Variants in GLRA1 observed in about 807,000 individuals in gnomAD.
GLRA1 encodes glycine receptor subunit alpha-1.
GLRA1 carries 37 observed loss-of-function variants against 48.3 expected under a neutral mutation model. The observed-to-expected ratio is 0.77, with a 90% CI of 0.59 to 1.01. GLRA1 has a LOEUF of 1.01. GLRA1 is among the 50% of genes least tolerant of loss of function. GLRA1 has a pLI of 0.00. For missense variants in GLRA1, 427 were observed against 571.0 expected (o/e 0.75, Z 2.57); for synonymous variants, 196 against 210.7 (o/e 0.93, Z 0.60).
intron 3 of GLRA1, among the ~76,000 whole-genome samples, chr5:151,875,307 G>A (rs13358809): frequency 0.02 from 3,067 of 152,150 alleles, 99 homozygotes; most frequent in African/African-American, 0.071. Context: ...TGAATAGCTG[G>A]GCCTACAGGT....
intron 2 of GLRA1, among the ~76,000 whole-genome samples, chr5:151,889,767 G>A (rs143539932): frequency 1.3e-5 from 2 of 152,126 alleles, no homozygotes; most frequent in African/African-American, 4.8e-5. Context: ...GATTTGTGTC[G>A]GTGGAAGCAG....
chr5:151,837,953 T>A (rs1763618254), intron 7 of GLRA1, among the ~76,000 whole-genome samples: 1 of 152,062 alleles, frequency 6.6e-6, no homozygotes, highest in African/African-American at 2.4e-5. Flanking sequence ...AGAACTTAAA[T>A]AAAATGTCCA....
intron 1 of GLRA1, among the ~76,000 whole-genome samples, chr5:151,902,093 A>T (rs1179786495): frequency 6.6e-6 from 1 of 152,198 alleles, no homozygotes; most frequent in Non-Finnish European, 1.5e-5. Context: ...CGGGAATTGG[A>T]AAATATAGGT....
chr5:151,895,943 C>A (rs919192410), intron 1 of GLRA1, among the ~76,000 whole-genome samples: 3 of 152,146 alleles, frequency 2.0e-5, no homozygotes, highest in African/African-American at 7.2e-5. Context: ...AGCTCCCGTA[C>A]TCTCTCCAGC....
At chr5:151,839,348 C>T (rs1176377177) in intron 7 of GLRA1, among the ~76,000 whole-genome samples, 1 of 143,778 alleles carries the variant, frequency 7.0e-6, no homozygotes, top group Non-Finnish European at 1.6e-5. Flanking sequence ...ATATTCAAGA[C>T]AATATAAAAA....
intron 2 of GLRA1, among the ~76,000 whole-genome samples, chr5:151,887,064 A>G (rs1416094812): frequency 2.0e-5 from 3 of 152,178 alleles, no homozygotes; most frequent in Admixed American, 2.0e-4. Flanking sequence ...ATCAGCCGCC[A>G]TATGGTTGAA....
intron 3 of GLRA1, among the ~76,000 whole-genome samples, chr5:151,873,704 T>C (rs75547734): frequency 0.024 from 3,588 of 151,012 alleles, 129 homozygotes; most frequent in African/African-American, 0.081. Context: ...AAAATTGAAC[T>C]AAGGTGGGAC....
chr5:151,862,754 A>G (rs7706897), intron 3 of GLRA1, among the ~76,000 whole-genome samples: 7,234 of 152,256 alleles, frequency 0.048, 604 homozygotes, highest in African/African-American at 0.16. Context: ...TATTTTGGCC[A>G]TGGAATTCTT....
rs542483086 is a variant in GLRA1 at position 151,894,279 on chromosome 5, C to A, written c.57-1841G>T. Among the ~76,000 whole-genome samples, 4 of 152,270 alleles carry A rather than the reference C, an allele frequency of 2.6e-5. No individual in the cohort carries two copies. In the South Asian group the frequency reaches 6.2e-4, roughly 24 times the overall value. Reference sequence around the variant, plus strand: ...TCTTTTCTGGTCTCATCAGTTGTAACTATTTAAGCAATCAGTTAATAATGG... The same window carrying A: ...TCTTTTCTGGTCTCATCAGTTGTAAATATTTAAGCAATCAGTTAATAATGG... On this transcript the variant is annotated intron_variant, in intron 1 of 8. Coordinates refer to ENST00000274576, the MANE Select transcript of GLRA1 (RefSeq NM_000171.4).
chr5:151,892,540 C>T, intron 1 of GLRA1, 102 bp from the exon 2 acceptor site: 2 of 1,289,846 alleles, frequency 1.6e-6, no homozygotes, highest in South Asian at 1.2e-5. Context: ...CAAGAGTGTT[C>T]TTAGCTGGAG....
chr5:151,871,301 C>T (rs1217373952), intron 3 of GLRA1, among the ~76,000 whole-genome samples: 2 of 149,240 alleles, frequency 1.3e-5, no homozygotes, highest in Non-Finnish European at 2.9e-5. Context: ...TGTAGAGAGA[C>T]AAAAGTGTAA....
intron 3 of GLRA1, among the ~76,000 whole-genome samples, chr5:151,884,293 G>A (rs970393325): frequency 3.3e-5 from 5 of 152,058 alleles, no homozygotes; most frequent in African/African-American, 1.2e-4. Context: ...GCTGGGCCTG[G>A]TGGTGCATGT....
intron 1 of GLRA1, among the ~76,000 whole-genome samples, chr5:151,893,126 C>G (rs17112333): frequency 1.3e-5 from 2 of 152,022 alleles, no homozygotes; most frequent in African/African-American, 2.4e-5. Flanking sequence ...TTCACTGTAT[C>G]GAGAGTTAGG....
rs531917644 is a variant in GLRA1 at position 151,912,019 on chromosome 5, G to T, written c.56+12475C>A. Among the ~76,000 whole-genome samples the T allele has an allele frequency of 2.6e-4, 40 of 152,302 alleles. 1 individual carries two copies. The South Asian group carries it at 8.1e-3, about 31-fold the overall frequency. On this transcript the variant is annotated intron_variant, in intron 1 of 8. Coordinates refer to ENST00000274576, the MANE Select transcript of GLRA1 (RefSeq NM_000171.4). The stretch of plus-strand genomic sequence containing the variant: ...TTTACATAGTTCTGTCTCATTTTAG[G>T]CATGGAAAAGCTGAGACTAGTTACA...
intron 7 of GLRA1, among the ~76,000 whole-genome samples, chr5:151,833,223 A>G (rs1286414931): frequency 1.3e-5 from 2 of 152,218 alleles, no homozygotes; most frequent in Non-Finnish European, 2.9e-5. Context: ...CGTTGACACT[A>G]TGAAGAAACC....
At chr5:151,874,498 A>G (rs1753574581) in intron 3 of GLRA1, among the ~76,000 whole-genome samples, 1 of 152,088 alleles carries the variant, frequency 6.6e-6, no homozygotes. Flanking sequence ...TGCTTAGAGA[A>G]CCTTTCCACA....
chr5:151,827,391 T>C (rs1332474676), intron 8 of GLRA1, among the ~76,000 whole-genome samples: 2 of 152,172 alleles, frequency 1.3e-5, no homozygotes, highest in Non-Finnish European at 2.9e-5. Flanking sequence ...CAGAAGTTAA[T>C]TGAATCAGAT....
intron 5 of GLRA1, 124 bp from the exon 6 acceptor site, chr5:151,855,301 G>A (rs1753010468): frequency 1.0e-6 from 1 of 956,438 alleles, no homozygotes; most frequent in Non-Finnish European, 1.6e-6. Context: ...GTGAGACCAG[G>A]TTCCTTTTTT....
intron 1 of GLRA1, among the ~76,000 whole-genome samples, chr5:151,912,929 T>C (rs889403671): frequency 1.3e-5 from 2 of 152,226 alleles, no homozygotes; most frequent in Non-Finnish European, 2.9e-5. Context: ...CCCAAATGTA[T>C]GTAAGGTCCC....
Sources: allele counts gnomAD v4.1 joint callset (sites outside exome capture counted in the v4.1 genomes callset), GRCh38; gene constraint gnomAD v4.1.1; transcripts MANE v1.5; gene names NCBI Gene and HGNC (gene_info 2026-07-23, HGNC 2026-07-21).